The following GNG12 variants were observed in gnomAD, a reference collection of about 807,000 sequenced individuals.
GNG12 encodes G protein subunit gamma 12, also known as guanine nucleotide-binding protein G(I)/G(S)/G(O) subunit gamma-12.
For missense variants in GNG12, 69 were observed against 83.8 expected, an observed-to-expected ratio of 0.82 and a Z score of 0.69; for synonymous variants, 28 against 29.7, an observed-to-expected ratio of 0.94 and a Z score of 0.19.
At chr1:67,829,182 G>C (rs1307962753) in intron 1 of GNG12, among the ~76,000 whole-genome samples, 1 of 151,992 alleles carries the variant, frequency 6.6e-6, no homozygotes, top group Non-Finnish European at 1.5e-5. Context: ...TTTTCTTATG[G>C]TTTAAAAATA....
At chr1:67,724,682 G>C (rs931562168) in intron 2 of GNG12, among the ~76,000 whole-genome samples, 1 of 152,120 alleles carries the variant, frequency 6.6e-6, no homozygotes, top group East Asian at 1.9e-4. Flanking sequence ...CAGCCACCGC[G>C]CCTGGCCCAA....
chr1:67,766,733 C>T (rs2100747975), intron 2 of GNG12, among the ~76,000 whole-genome samples: 1 of 152,116 alleles, frequency 6.6e-6, no homozygotes, highest in South Asian at 2.1e-4. Flanking sequence ...ACAAAGCAAG[C>T]TGCTGGAGGT....
chr1:67,741,184 A>C (rs1175787219), intron 2 of GNG12, among the ~76,000 whole-genome samples: 1 of 152,220 alleles, frequency 6.6e-6, no homozygotes, highest in Admixed American at 6.5e-5. Flanking sequence ...GTTAAAGATT[A>C]GTGGCAAGAA....
intron 2 of GNG12, among the ~76,000 whole-genome samples, chr1:67,714,495 A>T (rs562729587): frequency 6.6e-6 from 1 of 152,342 alleles, no homozygotes; most frequent in South Asian, 2.1e-4. Context: ...AGCATCAGAT[A>T]AAATAAGTAT....
intron 2 of GNG12, among the ~76,000 whole-genome samples, chr1:67,720,164 G>A (rs927193108): frequency 2.0e-5 from 3 of 152,232 alleles, no homozygotes; most frequent in African/African-American, 7.2e-5. Flanking sequence ...ATTAGGGCCA[G>A]TTGCTGGTGC....
chr1:67,815,388 G>A (rs1378686122), intron 1 of GNG12, among the ~76,000 whole-genome samples: 9 of 152,132 alleles, frequency 5.9e-5, no homozygotes, highest in East Asian at 3.9e-4. Flanking sequence ...CCCAGGCTCC[G>A]TATGATGACG....
chr1:67,739,094 G>T (rs768790421), intron 2 of GNG12, among the ~76,000 whole-genome samples: 1 of 152,176 alleles, frequency 6.6e-6, no homozygotes, highest in South Asian at 2.1e-4. Flanking sequence ...CAAGAGAATC[G>T]CTTGAACCTA....
At chr1:67,805,380 T>C (rs1395194683) in intron 1 of GNG12, among the ~76,000 whole-genome samples, 1 of 152,320 alleles carries the variant, frequency 6.6e-6, no homozygotes, top group East Asian at 1.9e-4. Flanking sequence ...GAATGCTGAA[T>C]AATCAGACCA....
chr1:67,805,095 C>A (rs909369954), intron 1 of GNG12, among the ~76,000 whole-genome samples: 2 of 152,170 alleles, frequency 1.3e-5, no homozygotes, highest in Non-Finnish European at 2.9e-5. Flanking sequence ...TCTCCTGTTA[C>A]CCTGTCCCAC....
intron 2 of GNG12, among the ~76,000 whole-genome samples, chr1:67,760,980 C>T (rs545631171): frequency 5.9e-5 from 9 of 152,314 alleles, no homozygotes; most frequent in African/African-American, 2.2e-4. Flanking sequence ...TGAAAATGTG[C>T]AGGAGAACAT....
intron 2 of GNG12, among the ~76,000 whole-genome samples, chr1:67,753,474 T>C (rs1646550874): frequency 6.6e-6 from 1 of 152,104 alleles, no homozygotes; most frequent in African/African-American, 2.4e-5. Flanking sequence ...CCATGACAAG[T>C]CCTGCGACTG....
intron 2 of GNG12, among the ~76,000 whole-genome samples, chr1:67,730,488 G>A (rs1031660580): frequency 6.6e-6 from 1 of 152,152 alleles, no homozygotes; most frequent in Non-Finnish European, 1.5e-5. Context: ...CTGGTCAACA[G>A]AGCAAGACGC....
intron 1 of GNG12, among the ~76,000 whole-genome samples, chr1:67,792,852 A>T (rs1327866122): frequency 6.6e-6 from 1 of 152,136 alleles, no homozygotes; most frequent in Non-Finnish European, 1.5e-5. Context: ...AGTCTCCAAT[A>T]TATTTGGGTT....
chr1:67,759,032 C>T (rs1646586847), intron 2 of GNG12, among the ~76,000 whole-genome samples: 1 of 152,122 alleles, frequency 6.6e-6, no homozygotes, highest in Admixed American at 6.5e-5. Flanking sequence ...AAAAAATGTG[C>T]AATGTTCCCA....
chr1:67,790,286 C>T (rs937782948), intron 1 of GNG12, among the ~76,000 whole-genome samples: 1 of 152,168 alleles, frequency 6.6e-6, no homozygotes, highest in Non-Finnish European at 1.5e-5. Context: ...GGCATCCTTA[C>T]AGATCTTTCC....
intron 1 of GNG12, among the ~76,000 whole-genome samples, chr1:67,808,508 A>G (rs1303103808): frequency 6.6e-6 from 1 of 152,120 alleles, no homozygotes; most frequent in African/African-American, 2.4e-5. Flanking sequence ...AGGAAATAAA[A>G]CTGCCTTTTT....
At chr1:67,736,641 CT>C (rs1438147783) in intron 2 of GNG12, among the ~76,000 whole-genome samples, 3 of 152,184 alleles carry the variant, frequency 2.0e-5, no homozygotes, top group African/African-American at 7.2e-5. Context: ...CAGTGACCCC[CT>C]CACAGGGCAC....
At chr1:67,736,395 A>G (rs1016420317) in intron 2 of GNG12, among the ~76,000 whole-genome samples, 4 of 152,150 alleles carry the variant, frequency 2.6e-5, no homozygotes, top group Admixed American at 2.0e-4. Context: ...CACAGCCCAC[A>G]GTTCCAGAAC....
At chr1:67,817,113 C>A (rs1646957715) in intron 1 of GNG12, among the ~76,000 whole-genome samples, 1 of 152,120 alleles carries the variant, frequency 6.6e-6, no homozygotes, top group South Asian at 2.1e-4. Flanking sequence ...ATATATTCCA[C>A]AGAGCAAACA....
Sources: gnomAD v4.1 joint callset for allele counts (sites outside exome capture counted in the v4.1 genomes callset) on GRCh38, gnomAD v4.1.1 for gene constraint, MANE v1.5 for transcripts, NCBI Gene and HGNC (gene_info 2026-07-23, HGNC 2026-07-21) for gene names.